Variants in ACER3 observed in about 807,000 individuals in gnomAD.
ACER3 encodes the protein alkCDase 3.
A neutral mutation model predicts 48.9 loss-of-function variants in ACER3; 16 were observed. The observed-to-expected ratio is 0.33, with a 90% CI of 0.22 to 0.50. The LOEUF is 0.50. Ranked by LOEUF, ACER3 falls within the 20% of genes least tolerant of loss-of-function variation. ACER3 has a pLI of 0.98. For synonymous variants in ACER3, 109 were observed against 107.8 expected (o/e 1.01, Z -0.07); for missense variants, 227 against 326.0 (o/e 0.70, Z 2.34).
chr11:76,865,172 A>G (rs1945045078), intron 1 of ACER3, among the ~76,000 whole-genome samples: 1 of 142,428 alleles, frequency 7.0e-6, no homozygotes. Context: ...TTTAGTAGAG[A>G]CAGGGTTTTG....
chr11:76,952,125 A>G (rs1298574730), intron 2 of ACER3, among the ~76,000 whole-genome samples: 2 of 84,520 alleles, frequency 2.4e-5, no homozygotes, highest in Non-Finnish European at 6.0e-5. Flanking sequence ...CAGAAAAAAT[A>G]TTATATATAT....
chr11:77,006,240 C>T (rs1385763473), intron 7 of ACER3, among the ~76,000 whole-genome samples: 8 of 151,830 alleles, frequency 5.3e-5, no homozygotes, highest in African/African-American at 1.7e-4. Context: ...CCACCCACCT[C>T]AGCCTCCCAA....
rs1192906944 is a variant in ACER3, at chr11:77,022,053, A to T, written c.*1726A>T. 6.6e-6 allele frequency: 1 copy of T among 152,202 alleles called. No homozygotes were observed. The highest frequency in any genetic ancestry group is 1.5e-5 in the Non-Finnish European group (1 of 68,036). The allele number at this position is 152,202 out of a possible 1,614,324, so 9.4% of individuals were successfully genotyped here. ...CCCCAAGATTCTGACTTCTGGCTAC[A>T]TTTCACCTGCAGTTACCTGGGCTAT... On this transcript the variant is annotated 3_prime_UTR_variant, in exon 11 of 11. Transcript: ENST00000532485.
chr11:76,872,214 T>C (rs1368658666), intron 1 of ACER3, among the ~76,000 whole-genome samples: 1 of 152,010 alleles, frequency 6.6e-6, no homozygotes, highest in East Asian at 1.9e-4. Flanking sequence ...GTAGCTGAGA[T>C]TACGGGCATG....
intron 5 of ACER3, among the ~76,000 whole-genome samples, chr11:76,989,191 T>C (rs1565215875): frequency 6.6e-6 from 1 of 151,536 alleles, no homozygotes; most frequent in Admixed American, 6.6e-5. Flanking sequence ...GAGTTACAGA[T>C]ATACAATATC....
chr11:76,920,045 G>A (rs1442494500), intron 1 of ACER3, among the ~76,000 whole-genome samples: 2 of 152,122 alleles, frequency 1.3e-5, no homozygotes, highest in African/African-American at 4.8e-5. Flanking sequence ...AATAGAGGGC[G>A]CCAGAGAGAC....
rs782427071 is a variant in ACER3, at chr11:77,016,720, A to G, written c.645A>G (p.Gln215=). Reference sequence around the variant, plus strand: ...CACCTATCATAGGTATTACCACACAATTTCATGCATGGTGGCATATTTTAA... The same window carrying G: ...CACCTATCATAGGTATTACCACACAGTTTCATGCATGGTGGCATATTTTAA... The part of the protein sequence containing the change: ...KVPPIIGITT[Q]FHAWWHILTG... Residue 215 remains glutamine (Q), a synonymous_variant, in exon 9 of 11, where the codon CAA becomes CAG. Coordinates refer to ENST00000532485, the MANE Select transcript of ACER3 (RefSeq NM_018367.7). 9 of 1,604,524 alleles carry G rather than the reference A, an allele frequency of 5.6e-6. No homozygotes were observed. In the South Asian group the frequency reaches 1.0e-4, roughly 18 times the overall value.
intron 1 of ACER3, among the ~76,000 whole-genome samples, chr11:76,872,622 T>C (rs539729380): frequency 3.9e-5 from 6 of 152,322 alleles, no homozygotes; most frequent in African/African-American, 1.4e-4. Context: ...TGGAAAATGA[T>C]GGAGCTGAGG....
At chr11:77,002,172 A>C (rs367779842) in intron 7 of ACER3, among the ~76,000 whole-genome samples, 6 of 152,088 alleles carry the variant, frequency 3.9e-5, no homozygotes, top group African/African-American at 1.2e-4. Context: ...AAATAGTCAC[A>C]CTCTAAAGTA....
At chr11:77,017,253 AAAAG>A (rs1251687988) in intron 9 of ACER3, among the ~76,000 whole-genome samples, 1 of 152,188 alleles carries the variant, frequency 6.6e-6, no homozygotes, top group African/African-American at 2.4e-5. Flanking sequence ...GACTAACAAA[AAAAG>A]AGAGAGAAGA....
At position 77,017,767 on chromosome 11, in the gene ACER3, T is replaced by G. The variant is rs1406813366; in HGVS notation, c.704+988T>G. Among the ~76,000 whole-genome samples, 4 of 152,148 alleles carry G rather than the reference T, an allele frequency of 2.6e-5. No homozygotes were observed. In the East Asian group the frequency reaches 7.7e-4, roughly 29 times the overall value. On this transcript the variant is annotated intron_variant, in intron 9 of 10. Transcript: ENST00000532485. ...TTGTTTGTACTTTTCAGGTATTGTG[T>G]TTTTTACAAGTAGAAAGTTTGTGGC...
intron 2 of ACER3, chr11:76,955,612 A>G (rs1167849670): frequency 6.6e-6 from 1 of 152,198 alleles, no homozygotes; most frequent in East Asian, 1.9e-4. Flanking sequence ...AGCAAGCTTC[A>G]GTGTCTTACT....
intron 1 of ACER3, among the ~76,000 whole-genome samples, chr11:76,880,298 C>G (rs577844920): frequency 6.6e-6 from 1 of 152,286 alleles, no homozygotes; most frequent in African/African-American, 2.4e-5. Context: ...AAATTTTCCT[C>G]TTGGCACACA....
chr11:76,862,155 ACT>A (rs1944957252), intron 1 of ACER3, among the ~76,000 whole-genome samples: 1 of 151,956 alleles, frequency 6.6e-6, no homozygotes, highest in Non-Finnish European at 1.5e-5. Flanking sequence ...GTGAAGTGAA[ACT>A]CTTCTTAGCT....
intron 3 of ACER3, among the ~76,000 whole-genome samples, chr11:76,968,070 G>A (rs1425282333): frequency 1.3e-5 from 2 of 151,992 alleles, no homozygotes; most frequent in South Asian, 2.1e-4. Flanking sequence ...AATCTCCTTA[G>A]GCTGATAAGC....
intron 1 of ACER3, among the ~76,000 whole-genome samples, chr11:76,886,585 A>G (rs78037788): frequency 0.011 from 1,744 of 152,326 alleles, 35 homozygotes; most frequent in African/African-American, 0.04. Flanking sequence ...GATTTTGATC[A>G]TAGTGGGAGA....
chr11:76,888,984 C>A (rs1404183079), intron 1 of ACER3, among the ~76,000 whole-genome samples: 1 of 152,022 alleles, frequency 6.6e-6, no homozygotes, highest in Non-Finnish European at 1.5e-5. Context: ...TACTTTTTAC[C>A]CTGTAACCAG....
intron 3 of ACER3, among the ~76,000 whole-genome samples, chr11:76,960,774 G>A (rs919611270): frequency 4.6e-5 from 7 of 152,128 alleles, no homozygotes; most frequent in Non-Finnish European, 1.0e-4. Flanking sequence ...GCAGCCCAGG[G>A]ACAGTGTATT....
chr11:77,002,680 T>A (rs11237056), intron 7 of ACER3, among the ~76,000 whole-genome samples: 16,272 of 152,250 alleles, frequency 0.11, 1,072 homozygotes, highest in East Asian at 0.35. Context: ...TGTTAACTCT[T>A]CTTTAAATGT....
Sources: allele counts gnomAD v4.1 joint callset (sites outside exome capture counted in the v4.1 genomes callset), GRCh38; gene constraint gnomAD v4.1.1; transcripts MANE v1.5; gene names NCBI Gene and HGNC (gene_info 2026-07-23, HGNC 2026-07-21).